The following SYNE2 variants were observed in gnomAD, a reference collection of about 807,000 sequenced individuals.
SYNE2 encodes spectrin repeat containing nuclear envelope protein 2.
In SYNE2, 431 loss-of-function variants were observed where a neutral mutation model predicts 856.3. The ratio of observed to expected loss-of-function variants is 0.50; its 90% CI spans 0.47 to 0.55. The LOEUF (loss-of-function observed/expected upper bound fraction) is 0.55, where lower values mean the gene tolerates loss of function less well. SYNE2 is among the 20% of genes least tolerant of loss of function. The pLI, the probability that SYNE2 is intolerant of heterozygous loss-of-function variation, is 0.00. For synonymous variants in SYNE2, 2,923 were observed against 2,872.3 expected, an observed-to-expected ratio of 1.02 and a Z score of -0.56; for missense variants, 8,129 against 8,023.2, an observed-to-expected ratio of 1.01 and a Z score of -0.50.
chr14:63,886,514 A>G (rs771592373), intron 1 of SYNE2, among the ~76,000 whole-genome samples: 4 of 152,196 alleles, frequency 2.6e-5, no homozygotes, highest in Non-Finnish European at 5.9e-5. Context: ...TGTGATTATT[A>G]AGTGCAGAGT....
At chr14:64,098,872 A>G (rs759541652) in intron 63 of SYNE2, 51 bp downstream of exon 63, 1 of 1,563,928 alleles carries the variant, frequency 6.4e-7, no homozygotes, top group East Asian at 2.2e-5. Context: ...GATCTCTAAA[A>G]GAAGTCAATG....
chr14:63,855,216 C>G (rs535860479), intron 1 of SYNE2, among the ~76,000 whole-genome samples: 2 of 152,168 alleles, frequency 1.3e-5, no homozygotes, highest in African/African-American at 4.8e-5. Context: ...ACAAGACAGT[C>G]GTGATTCCTG....
At chr14:63,974,748 A>G (rs997321851) in intron 11 of SYNE2, among the ~76,000 whole-genome samples, 3 of 144,012 alleles carry the variant, frequency 2.1e-5, no homozygotes, top group African/African-American at 7.8e-5. Flanking sequence ...ATACATATAT[A>G]TATGTATATA....
Position 64,081,572 on chromosome 14 carries a change from A to G in SYNE2, c.11476A>G (p.Thr3826Ala). 6.2e-7 allele frequency: 1 copy of G among 1,614,086 alleles called. No homozygotes were observed. The highest frequency in any genetic ancestry group is 8.5e-7 in the Non-Finnish European group (1 of 1,180,012). The stretch of plus-strand genomic sequence containing the variant: ...GAGGACACTGAGTCACCATGCTAGC[A>G]CTGTGCAGGTAAGTGTTCTTCCAGG... ...SLRTLSHHAS[T>A]VQMALEDSEQ... Residue 3826 changes from threonine (T) to alanine (A), a missense_variant, in exon 57 of 116, where the codon ACT (threonine) becomes GCT (alanine). Thr to Ala is a moderately conservative substitution (Grantham distance 58). Transcript: ENST00000555002.
rs201004752 is a variant in SYNE2, at chr14:64,159,399, G to A, written c.16051G>A (p.Val5351Ile). The A allele has an allele frequency of 6.2e-7, 1 of 1,613,960 alleles. No homozygotes were observed. ...IGKLKGLCPS[V>I]AEIIEEKCQN... is the part of the protein sequence containing the mutation. ...CAAACTCAAAGGTCTCTGCCCCTCT[G>A]TTGCTGAAATAATCGAAGAGAAATG... The change falls in exon 87 of 116, where the codon GTT (valine) becomes ATT (isoleucine). Residue 5351 changes from valine (V) to isoleucine (I), a missense_variant. Around this residue, in one of 3 missense-constraint regions of SYNE2, gnomAD observed 5,410 missense variants for 5,284.8 expected, o/e 1.02. Transcript: ENST00000555002.
In SYNE2 at chr14:64,052,155, G is replaced by C. The variant is rs1476743693; in HGVS notation, c.8242G>C (p.Gly2748Arg). Residue 2748 changes from glycine (G) to arginine (R), a missense_variant, in exon 48 of 116, where the codon GGT (glycine) becomes CGT (arginine). Transcript: ENST00000555002. ...TATCTTATGGGCCAAGAATTTGTTGGGTGAACTTAATCCCTCCATTCCCCT... is the reference window on the plus strand; with the variant it reads ...TATCTTATGGGCCAAGAATTTGTTGCGTGAACTTAATCCCTCCATTCCCCT... ...ETILWAKNLL[G>R]ELNPSIPLLP... 3 of 1,613,966 alleles carry C rather than the reference G, an allele frequency of 1.9e-6. No individual in the cohort carries two copies. In the African/African-American group the frequency reaches 4.0e-5, roughly 22 times the overall value.
intron 1 of SYNE2, among the ~76,000 whole-genome samples, chr14:63,805,306 C>G (rs1408345023): frequency 6.6e-6 from 1 of 152,192 alleles, no homozygotes; most frequent in African/African-American, 2.4e-5. Context: ...TTACTTTGGG[C>G]AGTATGACCA....
chr14:63,954,980 G>C, intron 8 of SYNE2, 65 bp downstream of exon 8: 1 of 1,332,480 alleles, frequency 7.5e-7, no homozygotes, highest in South Asian at 1.2e-5. Context: ...TTTCAAAATA[G>C]TATCTATACA....
chr14:64,056,833 G>A lies in SYNE2; in HGVS notation c.10067+567G>A, dbSNP rs149918020. ...TTACAGGCATATGCCACCACGCCTGGCTAATTTTTTGTATTTTTAGTAGAG... is the reference window on the plus strand; with the variant it reads ...TTACAGGCATATGCCACCACGCCTGACTAATTTTTTGTATTTTTAGTAGAG... On this transcript the variant is annotated intron_variant, in intron 49 of 115. Transcript: ENST00000555002. Among the ~76,000 whole-genome samples the A allele has an allele frequency of 1.0e-3, 158 of 152,098 alleles. 2 individuals carry two copies. The East Asian group carries it at 0.016, about 15-fold the overall frequency.
At chr14:64,044,976 TA>T in intron 45 of SYNE2, among the ~76,000 whole-genome samples, 1 of 152,280 alleles carries the variant, frequency 6.6e-6, no homozygotes, top group Admixed American at 6.5e-5. Flanking sequence ...TATTTTAAAA[TA>T]AAATGTTTAA....
At chr14:64,123,341 G>A (rs1426208898) in intron 70 of SYNE2, among the ~76,000 whole-genome samples, 3 of 152,158 alleles carry the variant, frequency 2.0e-5, no homozygotes, top group South Asian at 2.1e-4. Context: ...GCCCCACTGC[G>A]CACAAGGCAG....
At chr14:64,152,780 G>A in intron 85 of SYNE2, 64 bp downstream of exon 85, 1 of 1,606,064 alleles carries the variant, frequency 6.2e-7, no homozygotes, top group South Asian at 1.1e-5. Context: ...ATTTGTCGTT[G>A]TAGTTGTTTT....
intron 1 of SYNE2, among the ~76,000 whole-genome samples, chr14:63,783,019 A>G (rs894505495): frequency 6.6e-6 from 1 of 152,154 alleles, no homozygotes; most frequent in Admixed American, 6.6e-5. Flanking sequence ...GTCTCCTGAT[A>G]AAATGCTTTA....
chr14:63,956,092 A>G (rs773805635), intron 8 of SYNE2, among the ~76,000 whole-genome samples: 28 of 152,230 alleles, frequency 1.8e-4, no homozygotes, highest in Non-Finnish European at 3.5e-4. Flanking sequence ...CATTATTAAC[A>G]ATTTCTTCAT....
intron 1 of SYNE2, among the ~76,000 whole-genome samples, chr14:63,838,426 G>A (rs1022351584): frequency 6.6e-6 from 1 of 152,026 alleles, no homozygotes; most frequent in Non-Finnish European, 1.5e-5. Flanking sequence ...TTTATTATAA[G>A]TAAATTATTC....
intron 96 of SYNE2, among the ~76,000 whole-genome samples, chr14:64,181,289 A>G (rs968890570): frequency 6.6e-6 from 1 of 152,200 alleles, no homozygotes; most frequent in African/African-American, 2.4e-5. Flanking sequence ...TTCTATGCCA[A>G]ATTTTCAAAG....
intron 27 of SYNE2, 133 bp downstream of exon 27, chr14:63,999,173 G>T: frequency 4.4e-6 from 4 of 907,834 alleles, no homozygotes; most frequent in Non-Finnish European, 3.4e-6. Context: ...TTGCTGGATT[G>T]CATTTCTAGT....
In SYNE2 at chr14:64,163,471, C is replaced by T. The variant is rs1407645788; in HGVS notation, c.16369C>T (p.Pro5457Ser). ...AAATTCCAGTGTCCTGGATCGACTC[C>T]CACAACCCGCAGAGTCCAGCACCCA... ...LQNSSVLDRL[P>S]QPAESSTHML... The change falls in exon 89 of 116, where the codon CCA (proline) becomes TCA (serine). Residue 5457 changes from proline to serine, a missense_variant. By Grantham distance (74) the Pro-to-Ser change is moderately conservative. Around this residue, in one of 3 missense-constraint regions of SYNE2, gnomAD observed 5,410 missense variants for 5,284.8 expected, o/e 1.02. Transcript: ENST00000555002. 6.2e-7 allele frequency: 1 copy of T among 1,614,166 alleles called. No individual in the cohort carries two copies. The highest frequency in any genetic ancestry group is 1.7e-5 in the Admixed American group (1 of 60,022).
chr14:64,202,092 G>A (rs1037326605), intron 99 of SYNE2: 28 of 677,520 alleles, frequency 4.1e-5, no homozygotes, highest in Admixed American at 2.1e-4. Context: ...GCTCCACGCC[G>A]AGTTGGGCCG....
Sources: gnomAD v4.1 joint callset for allele counts (sites outside exome capture counted in the v4.1 genomes callset) on GRCh38, gnomAD v4.1.1 for gene constraint, gnomAD v4.1.1 regional missense constraint, MANE v1.5 for transcripts, NCBI Gene and HGNC (gene_info 2026-07-23, HGNC 2026-07-21) for gene names.